The following FRAS1 variants were observed in gnomAD, a reference collection of about 807,000 sequenced individuals.
The protein encoded by FRAS1 is Fraser extracellular matrix complex subunit 1, also known as extracellular matrix organizing protein FRAS1.
FRAS1 carries 290 observed loss-of-function variants against 435.2 expected under a neutral mutation model. The observed-to-expected ratio is 0.67, with a 90% CI of 0.61 to 0.73. The LOEUF is 0.73. FRAS1 is among the 30% of genes least tolerant of loss of function. FRAS1 has a pLI of 0.00. For synonymous variants in FRAS1, 1,800 were observed against 1,851.0 expected (o/e 0.97, Z 0.71); for missense variants, 4,860 against 5,001.5 (o/e 0.97, Z 0.85).
In FRAS1 at chr4:78,463,968, T is replaced by C. The variant is rs1212639191; in HGVS notation, c.6764-53T>C. The C allele has an allele frequency of 1.7e-5, 27 of 1,602,750 alleles. 1 individual carries two copies. In the South Asian group the frequency reaches 2.4e-4, roughly 14 times the overall value. The stretch of plus-strand genomic sequence containing the variant: ...TATGACACTTCCCTAGCCTTAGATA[T>C]ATGGCTAGCATTTTAATATCCTGTC... On this transcript the variant is annotated intron_variant, in intron 47 of 73. Coordinates refer to ENST00000512123, the MANE Select transcript of FRAS1 (RefSeq NM_025074.7).
At chr4:78,368,137 A>G (rs1351223690) in intron 22 of FRAS1, among the ~76,000 whole-genome samples, 2 of 143,662 alleles carry the variant, frequency 1.4e-5, no homozygotes, top group Non-Finnish European at 3.0e-5. Flanking sequence ...ATGCATAAAA[A>G]TTCTAGCAAA....
chr4:78,310,707 A>G (rs1183849252), intron 15 of FRAS1, among the ~76,000 whole-genome samples: 2 of 152,254 alleles, frequency 1.3e-5, no homozygotes, highest in Non-Finnish European at 2.9e-5. Context: ...GACTTCAGAA[A>G]TGTTCACAGA....
intron 2 of FRAS1, among the ~76,000 whole-genome samples, chr4:78,118,188 G>T (rs1718769447): frequency 6.6e-6 from 1 of 152,176 alleles, no homozygotes; most frequent in African/African-American, 2.4e-5. Flanking sequence ...CATTGCTCTG[G>T]AAGTTTTGTG....
At chr4:78,286,791 T>G (rs1227338222) in intron 14 of FRAS1, among the ~76,000 whole-genome samples, 7 of 152,230 alleles carry the variant, frequency 4.6e-5, no homozygotes, top group Non-Finnish European at 1.5e-5. Flanking sequence ...TGCCTACTTT[T>G]ATTTTATATT....
intron 53 of FRAS1, 55 bp downstream of exon 53, chr4:78,473,652 A>T (rs1333095478): frequency 1.0e-5 from 15 of 1,432,092 alleles, no homozygotes; most frequent in Non-Finnish European, 1.3e-5. Context: ...AAGCAGAGGG[A>T]GTCAGGATGA....
chr4:78,445,704 A>G lies in FRAS1; in HGVS notation c.5848A>G (p.Thr1950Ala), dbSNP rs1379046526. ...SRSEIHSINITIERKNDEPPR... is the reference protein window; with the variant it reads ...SRSEIHSINIAIERKNDEPPR... ...TTCAGAAATTCACAGCATCAATATC[A>G]CCATTGAGGTAAAGACTTTGGAAGT... is the stretch of plus-strand genomic sequence containing the variant. The change falls in exon 42 of 74, where the codon ACC becomes GCC. Residue 1950 changes from threonine (T) to alanine (A), a missense_variant. Coordinates refer to ENST00000512123, the MANE Select transcript of FRAS1 (RefSeq NM_025074.7). 3.7e-6 allele frequency: 6 copies of G among 1,613,896 alleles called. No homozygotes were observed. The Admixed American group carries it at 8.3e-5, about 22-fold the overall frequency.
At chr4:78,224,130 C>A (rs1724169400) in intron 2 of FRAS1, among the ~76,000 whole-genome samples, 1 of 152,172 alleles carries the variant, frequency 6.6e-6, no homozygotes, top group Admixed American at 6.5e-5. Flanking sequence ...TCCTTACCAG[C>A]TGAAAAAAGA....
intron 51 of FRAS1, among the ~76,000 whole-genome samples, chr4:78,470,449 C>T (rs1719666308): frequency 6.6e-6 from 1 of 152,162 alleles, no homozygotes; most frequent in Non-Finnish European, 1.5e-5. Flanking sequence ...GTTCTGTCAT[C>T]ACTAAGTGGT....
chr4:78,364,848 G>T (rs1054063884), intron 22 of FRAS1, among the ~76,000 whole-genome samples: 3 of 152,204 alleles, frequency 2.0e-5, no homozygotes, highest in Non-Finnish European at 4.4e-5. Context: ...GTGTTCTAGG[G>T]GTACCATGCT....
chr4:78,334,423 T>C lies in FRAS1; in HGVS notation c.2278+1011T>C, dbSNP rs557362285. 2.2e-5 allele frequency among the ~76,000 whole-genome samples: 3 copies of C among 134,934 alleles called. No homozygotes were observed. In the South Asian group the frequency reaches 7.0e-4, roughly 32 times the overall value. 88.5% of individuals were successfully genotyped at this position (134,934 alleles called of 152,430 possible). On this transcript the variant is annotated intron_variant, in intron 19 of 73. Transcript: ENST00000512123. ...GTCTTGCTCCGTCACCAGGCTGGAG[T>C]GCAGTGGCACGATCTCAGCTCACTG... is the stretch of plus-strand genomic sequence containing the variant.
At chr4:78,079,684 T>C (rs567053175) in intron 2 of FRAS1, among the ~76,000 whole-genome samples, 11 of 152,218 alleles carry the variant, frequency 7.2e-5, no homozygotes, top group Admixed American at 6.5e-4. Flanking sequence ...ATTTATACAG[T>C]TCAAATGGCT....
chr4:78,458,032 G>C (rs892009787), intron 47 of FRAS1, among the ~76,000 whole-genome samples: 1 of 152,176 alleles, frequency 6.6e-6, no homozygotes, highest in African/African-American at 2.4e-5. Context: ...TGTCCTTAGG[G>C]AATACACAGT....
At chr4:78,058,507 A>T (rs1739586690) in intron 1 of FRAS1, among the ~76,000 whole-genome samples, 1 of 152,162 alleles carries the variant, frequency 6.6e-6, no homozygotes. Flanking sequence ...CTTTCATCTT[A>T]AAGCCCCATC....
At chr4:78,385,693 T>A (rs1732191372) in intron 28 of FRAS1, among the ~76,000 whole-genome samples, 1 of 152,070 alleles carries the variant, frequency 6.6e-6, no homozygotes, top group Non-Finnish European at 1.5e-5. Flanking sequence ...GAGACCAGCC[T>A]GGCAAACATG....
In FRAS1 at chr4:78,464,260, T is replaced by C. The variant is rs1005054642; in HGVS notation, c.6888+115T>C. The C allele has an allele frequency of 4.2e-6, 6 of 1,424,778 alleles. No homozygotes were observed. The African/African-American group carries it at 8.6e-5, about 20-fold the overall frequency. 88.3% of individuals were successfully genotyped at this position (1,424,778 alleles called of 1,614,324 possible). On this transcript the variant is annotated intron_variant, in intron 48 of 73. Transcript: ENST00000512123. ...GAGCTTCATTTTCCTCTGCTCTCAG[T>C]CAAGGGGTAGGGGCAGCCTCTGTAG...
At position 78,457,107 on chromosome 4, in the gene FRAS1, G is replaced by C. The variant is rs1719226166; in HGVS notation, c.6763+4753G>C. The stretch of plus-strand genomic sequence containing the variant: ...AAGTGACATAATGGCTGCTTGGCTA[G>C]ATGAAGAAAAGATCTTCTCTGATCT... On this transcript the variant is annotated intron_variant, in intron 47 of 73. Coordinates refer to ENST00000512123, the MANE Select transcript of FRAS1 (RefSeq NM_025074.7). Among the ~76,000 whole-genome samples the C allele has an allele frequency of 1.3e-5, 2 of 152,196 alleles. 1 individual carries two copies. The highest frequency in any genetic ancestry group is 4.1e-4 in the South Asian group (2 of 4,828).
Position 78,522,674 on chromosome 4 carries a change from T to A in FRAS1, c.10674T>A (p.Thr3558=), listed in dbSNP as rs1273404186. The A allele has an allele frequency of 1.2e-6, 2 of 1,607,308 alleles. No individual in the cohort carries two copies. Among genetic ancestry groups the A allele is most frequent in the Non-Finnish European group, 1.7e-6 (2 of 1,176,488 alleles). ...FRGQFVMEHH[T]LPEVKSFVLT... is the part of the protein sequence containing the mutation. ...GACAGTTTGTGATGGAGCATCACAC[T>A]CTCCCAGAAGTGAAATCTTTCGTAT... The change falls in exon 69 of 74, where the codon ACT becomes ACA. Residue 3558 remains threonine, a synonymous_variant. Coordinates refer to ENST00000512123, the MANE Select transcript of FRAS1 (RefSeq NM_025074.7).
At chr4:78,174,433 C>G (rs1721679474) in intron 2 of FRAS1, among the ~76,000 whole-genome samples, 2 of 152,176 alleles carry the variant, frequency 1.3e-5, no homozygotes, top group Non-Finnish European at 2.9e-5. Context: ...ACACTTCCTA[C>G]CAATGATGGC....
intron 2 of FRAS1, among the ~76,000 whole-genome samples, chr4:78,115,480 G>A (rs1161561022): frequency 6.6e-6 from 1 of 152,112 alleles, no homozygotes; most frequent in Non-Finnish European, 1.5e-5. Context: ...TGGTTGGTAA[G>A]CTATTAATTA....
Sources: allele counts gnomAD v4.1 joint callset (sites outside exome capture counted in the v4.1 genomes callset), GRCh38; gene constraint gnomAD v4.1.1; transcripts MANE v1.5; gene names NCBI Gene and HGNC (gene_info 2026-07-23, HGNC 2026-07-21).